The following RBM25 variants were observed in gnomAD, a reference collection of about 807,000 sequenced individuals.
The protein encoded by RBM25 is RNA binding motif protein 25.
A neutral mutation model predicts 120.7 loss-of-function variants in RBM25; 19 were observed. The observed-to-expected ratio is 0.16, with a 90% CI of 0.11 to 0.23. The LOEUF is 0.23. RBM25 is among the 10% of genes least tolerant of loss of function. RBM25 has a pLI of 1.00. For missense variants in RBM25, 605 were observed against 1,041.5 expected (o/e 0.58, Z 5.77); for synonymous variants, 390 against 326.7 (o/e 1.19, Z -2.09).
intron 5 of RBM25, among the ~76,000 whole-genome samples, chr14:73,087,396 C>CT (rs763206419): frequency 0.15 from 20,249 of 136,746 alleles, 1,706 homozygotes; most frequent in Non-Finnish European, 0.18. Context: ...TGACTCCTTT[C>CT]TTTTTTTTTT....
At chr14:73,113,203 G>C (rs1474877670) in intron 17 of RBM25, among the ~76,000 whole-genome samples, 2 of 151,994 alleles carry the variant, frequency 1.3e-5, no homozygotes, top group Admixed American at 6.5e-5. Flanking sequence ...TCATTGTTCA[G>C]CTACCACTTA....
chr14:73,061,653 G>A (rs538322633), intron 1 of RBM25, among the ~76,000 whole-genome samples: 2 of 151,150 alleles, frequency 1.3e-5, no homozygotes, highest in South Asian at 2.1e-4. Context: ...TGCAACTTCC[G>A]CATTTCAGGC....
At chr14:73,103,014 G>A (rs1429414580) in intron 9 of RBM25, 178 bp from the exon 10 acceptor site, 4 of 1,355,120 alleles carry the variant, frequency 3.0e-6, no homozygotes, top group South Asian at 1.5e-5. Flanking sequence ...GGTTTTGCAC[G>A]AAATCTTTCT....
chr14:73,112,962 C>A (rs1834680946), intron 17 of RBM25, among the ~76,000 whole-genome samples: 1 of 152,026 alleles, frequency 6.6e-6, no homozygotes, highest in Non-Finnish European at 1.5e-5. Context: ...TGCCACCACA[C>A]CCTGCTAATT....
chr14:73,117,210 C>CTTTTTTATTTTTTTTTTTTTTTTTTTT (rs1896451166), intron 18 of RBM25, among the ~76,000 whole-genome samples: 1 of 49,424 alleles, frequency 2.0e-5, no homozygotes, highest in Non-Finnish European at 3.7e-5. Flanking sequence ...TTCTTCTTTT[C>CTTTTTTATTTTTTTTTTTTTTTTTTTT]TTTTTTTTTT....
chr14:73,119,632 C>T (rs1398584247), intron 18 of RBM25, 81 bp from the exon 19 acceptor site: 1 of 1,573,456 alleles, frequency 6.4e-7, no homozygotes, highest in African/African-American at 1.4e-5. Flanking sequence ...GGATGAAAAA[C>T]TTTTTTATAC....
chr14:73,111,881 A>C (rs551989481), intron 16 of RBM25, 79 bp downstream of exon 16: 30 of 1,443,854 alleles, frequency 2.1e-5, no homozygotes, highest in Middle Eastern at 3.7e-4. Context: ...AGAAAAAAAA[A>C]CCTCATTTGA....
At chr14:73,075,842 C>T (rs958464295) in intron 2 of RBM25, among the ~76,000 whole-genome samples, 1 of 150,292 alleles carries the variant, frequency 6.7e-6, no homozygotes, top group African/African-American at 2.5e-5. Context: ...AACGGGGTCT[C>T]ACTATTTTGC....
At chr14:73,112,381 T>A in intron 17 of RBM25, 131 bp downstream of exon 17, 1 of 859,754 alleles carries the variant, frequency 1.2e-6, no homozygotes, top group Non-Finnish European at 1.6e-6. Context: ...GATTTATATC[T>A]GCTTTTTTAA....
intron 6 of RBM25, among the ~76,000 whole-genome samples, chr14:73,096,649 T>G (rs924985676): frequency 6.6e-6 from 1 of 152,208 alleles, no homozygotes; most frequent in Non-Finnish European, 1.5e-5. Flanking sequence ...TTTGCAGATG[T>G]GTCGTATAGT....
At chr14:73,070,439 GT>G (rs1328231215) in intron 1 of RBM25, among the ~76,000 whole-genome samples, 1 of 1,186 alleles carries the variant, frequency 8.4e-4, no homozygotes, top group South Asian at 0.038. Context: ...TTACTTTTAA[GT>G]TTAAAAAAAA....
Position 73,105,900 on chromosome 14 carries a change from G to A in RBM25, c.1196G>A (p.Arg399Lys), listed in dbSNP as rs775819740. ...CGTGAAAGGGAACGAGAGCGGGAAA[G>A]AGAGAGAGAGAGAGAACGAGAGCGA... ...RDRERERERERERERERERER... is the reference protein window; with the variant it reads ...RDREREREREKERERERERER... The change falls in exon 11 of 19, where the codon AGA becomes AAA. Residue 399 changes from arginine to lysine, a missense_variant. Arg to Lys is a conservative substitution (Grantham distance 26). Transcript: ENST00000261973. The A allele has an allele frequency of 3.4e-5, 30 of 892,974 alleles. No homozygotes were observed. Among genetic ancestry groups the A allele is most frequent in the Non-Finnish European group, 3.0e-6 (2 of 666,384 alleles). The allele number at this position is 892,974 out of a possible 1,614,324, so 55.3% of individuals were successfully genotyped here.
intron 6 of RBM25, among the ~76,000 whole-genome samples, chr14:73,096,694 T>A (rs1895948555): frequency 1.3e-5 from 2 of 152,208 alleles, no homozygotes; most frequent in African/African-American, 4.8e-5. Flanking sequence ...CAGAATTTTT[T>A]AGCTATTAAG....
At chr14:73,115,934 T>A (rs1040561937) in intron 18 of RBM25, among the ~76,000 whole-genome samples, 1 of 152,134 alleles carries the variant, frequency 6.6e-6, no homozygotes, top group Non-Finnish European at 1.5e-5. Flanking sequence ...TTCCTGGGTA[T>A]TGGGAGTCAG....
chr14:73,060,259 G>A lies in RBM25; in HGVS notation c.-16+1554G>A, dbSNP rs552831592. 2.0e-5 allele frequency among the ~76,000 whole-genome samples: 3 copies of A among 151,432 alleles called. No individual in the cohort carries two copies. In the East Asian group the frequency reaches 5.8e-4, roughly 29 times the overall value. On this transcript the variant is annotated intron_variant, in intron 1 of 18. Transcript: ENST00000261973. ...TCACTATGTTGGCCAGAATGGTCTCGATTTCCTGACCTCGTGATCCGCCCG... is the reference window on the plus strand; with the variant it reads ...TCACTATGTTGGCCAGAATGGTCTCAATTTCCTGACCTCGTGATCCGCCCG...
chr14:73,098,747 G>A (rs1391905564), intron 7 of RBM25, among the ~76,000 whole-genome samples: 1 of 151,986 alleles, frequency 6.6e-6, no homozygotes, highest in Non-Finnish European at 1.5e-5. Flanking sequence ...GGGTTCAAGC[G>A]ATTCTCCTGC....
intron 1 of RBM25, among the ~76,000 whole-genome samples, chr14:73,068,797 A>G (rs1160454451): frequency 2.6e-5 from 4 of 152,034 alleles, no homozygotes. Flanking sequence ...GATGGTCTCA[A>G]TCTCTTGACC....
chr14:73,088,224 CATT>C (rs1304794070), intron 6 of RBM25, 63 bp downstream of exon 6: 3 of 1,577,598 alleles, frequency 1.9e-6, no homozygotes, highest in Non-Finnish European at 2.6e-6. Flanking sequence ...TAGTGCTTCT[CATT>C]ATAAATGAAT....
At position 73,114,325 on chromosome 14, in the gene RBM25, G is replaced by T; in HGVS notation, c.2431G>T (p.Val811Phe). 2 of 1,565,442 alleles carry T rather than the reference G, an allele frequency of 1.3e-6. No individual in the cohort carries two copies. The highest frequency in any genetic ancestry group is 1.7e-6 in the Non-Finnish European group (2 of 1,155,606). The change falls in exon 18 of 19, where the codon GTT becomes TTT. Residue 811 changes from valine (V) to phenylalanine (F), a missense_variant. Val to Phe is a conservative substitution (Grantham distance 50). Transcript: ENST00000261973. Reference protein sequence around the residue: ...HSSPQSILDDVAMVLDEEAEV... With the variant: ...HSSPQSILDDFAMVLDEEAEV... ...TTCACCCCAGAGCATTTTAGATGATGTTGCCATGGTAAGTTAGAAATTCAC... is the reference window on the plus strand; with the variant it reads ...TTCACCCCAGAGCATTTTAGATGATTTTGCCATGGTAAGTTAGAAATTCAC...
Sources: gnomAD v4.1 joint callset for allele counts (sites outside exome capture counted in the v4.1 genomes callset) on GRCh38, gnomAD v4.1.1 for gene constraint, MANE v1.5 for transcripts, NCBI Gene and HGNC (gene_info 2026-07-23, HGNC 2026-07-21) for gene names.